The following SRGAP3 variants were observed in gnomAD, a reference collection of about 807,000 sequenced individuals.
SRGAP3 encodes SLIT-ROBO Rho GTPase-activating protein 3.
SRGAP3 carries 39 observed loss-of-function variants against 121.1 expected under a neutral mutation model. The observed-to-expected ratio is 0.32, with a 90% CI of 0.25 to 0.42. The LOEUF is 0.42. SRGAP3 is among the 10% of genes least tolerant of loss of function. The pLI, the probability that SRGAP3 is intolerant of heterozygous loss-of-function variation, is 1.00. For missense variants in SRGAP3, 1,213 were observed against 1,470.6 expected (o/e 0.82, Z 2.86); for synonymous variants, 601 against 570.0 (o/e 1.05, Z -0.77).
At chr3:9,113,290 G>A (rs550888068) in intron 2 of SRGAP3, among the ~76,000 whole-genome samples, 4 of 152,282 alleles carry the variant, frequency 2.6e-5, no homozygotes, top group African/African-American at 4.8e-5. Flanking sequence ...TGTGAAGGAG[G>A]ATCTGTCCCA....
At chr3:9,208,526 A>G (rs1952340751) in intron 1 of SRGAP3, among the ~76,000 whole-genome samples, 1 of 152,220 alleles carries the variant, frequency 6.6e-6, no homozygotes, top group Admixed American at 6.5e-5. Context: ...CTTGTCTCTC[A>G]TTACAAGAAA....
rs138877458 is a variant in SRGAP3 at position 9,341,106 on chromosome 3, G to A, written n.215-10510C>T. ...TCTTCTTATAAAGCCAGAGTCCTAT[G>A]TGATTAGGACACCACTCTTAATACC... On this transcript the variant is annotated intron_variant and non_coding_transcript_variant, in intron 1 of 3. Transcript: ENST00000490889. 2.0e-5 allele frequency among the ~76,000 whole-genome samples: 3 copies of A among 152,306 alleles called. No individual in the cohort carries two copies. The East Asian group carries it at 5.8e-4, about 29-fold the overall frequency.
chr3:9,029,282 G>A (rs981871156), intron 12 of SRGAP3, among the ~76,000 whole-genome samples: 1 of 152,200 alleles, frequency 6.6e-6, no homozygotes, highest in Non-Finnish European at 1.5e-5. Flanking sequence ...CATGAAGTAG[G>A]TAATTGTCAT....
intron 1 of SRGAP3, among the ~76,000 whole-genome samples, chr3:9,183,008 T>C (rs1183396878): frequency 2.0e-5 from 3 of 152,068 alleles, no homozygotes; most frequent in African/African-American, 7.2e-5. Context: ...TGAAATAACA[T>C]TCACAGGTTC....
chr3:9,133,068 G>T (rs1316225491), intron 1 of SRGAP3, among the ~76,000 whole-genome samples: 1 of 149,180 alleles, frequency 6.7e-6, no homozygotes, highest in Non-Finnish European at 1.5e-5. Context: ...ATATATAAGA[G>T]AGAATATCTA....
chr3:9,288,580 CTT>C (rs71049785), intron 3 of SRGAP3, among the ~76,000 whole-genome samples: 12 of 143,338 alleles, frequency 8.4e-5, no homozygotes, highest in Non-Finnish European at 1.1e-4. Context: ...TTCACTTTGT[CTT>C]TTTTTTTTTT....
At chr3:9,083,277 C>A (rs749174461) in intron 3 of SRGAP3, among the ~76,000 whole-genome samples, 2 of 152,142 alleles carry the variant, frequency 1.3e-5, no homozygotes, top group Non-Finnish European at 2.9e-5. Flanking sequence ...TTTTTATGAT[C>A]TTTTTACATA....
chr3:9,356,594 C>T (rs1340853281), intron 1 of SRGAP3, among the ~76,000 whole-genome samples: 1 of 151,728 alleles, frequency 6.6e-6, no homozygotes, highest in East Asian at 1.9e-4. Context: ...AGGATGGTCT[C>T]GATCTCCTGA....
chr3:9,302,260 C>T (rs1486974942), intron 3 of SRGAP3, among the ~76,000 whole-genome samples: 1 of 152,208 alleles, frequency 6.6e-6, no homozygotes, highest in Non-Finnish European at 1.5e-5. Flanking sequence ...AGTGCATACA[C>T]TGCTTCTGAC....
chr3:9,011,425 C>T (rs1943369290), intron 17 of SRGAP3, among the ~76,000 whole-genome samples: 2 of 152,218 alleles, frequency 1.3e-5, no homozygotes, highest in African/African-American at 4.8e-5. Context: ...CACAGCCTGG[C>T]TCTACCCAAC....
intron 1 of SRGAP3, chr3:9,349,219 A>G: frequency 1.5e-6 from 1 of 657,214 alleles, no homozygotes; most frequent in East Asian, 3.4e-5. Flanking sequence ...TACTGTCCCC[A>G]GGAGCACCCT....
At chr3:9,075,390 T>TGTGTGC (rs1454621766) in intron 4 of SRGAP3, among the ~76,000 whole-genome samples, 17 of 148,614 alleles carry the variant, frequency 1.1e-4, no homozygotes, top group African/African-American at 4.2e-4. Context: ...TGTGTGTGTG[T>TGTGTGC]GCGCGCGCAC....
At position 8,985,470 on chromosome 3, in the gene SRGAP3, G is replaced by A; in HGVS notation, c.*49C>T. ...CGTGGAAGCCACCAAGGCCACCCTGGGCCGTGGTGAGCCACAGCGGGCCAC... is the reference window on the plus strand; with the variant it reads ...CGTGGAAGCCACCAAGGCCACCCTGAGCCGTGGTGAGCCACAGCGGGCCAC... On this transcript the variant is annotated 3_prime_UTR_variant, in exon 22 of 22. Coordinates refer to ENST00000383836, the MANE Select transcript of SRGAP3 (RefSeq NM_014850.4). The surrounding 1 kb of genome is among the most constrained non-coding windows in gnomAD (Gnocchi z 5.1). 6.3e-7 allele frequency: 1 copy of A among 1,594,324 alleles called. No individual in the cohort carries two copies. Among genetic ancestry groups the A allele is most frequent in the Non-Finnish European group, 8.5e-7 (1 of 1,177,674 alleles).
chr3:9,259,846 C>T (rs1259575530), intron 3 of SRGAP3, among the ~76,000 whole-genome samples: 1 of 140,862 alleles, frequency 7.1e-6, no homozygotes, highest in Non-Finnish European at 1.6e-5. Context: ...TAGCTGGGGG[C>T]CAGGGGTGGG....
chr3:9,050,634 T>A (rs1017232904), intron 9 of SRGAP3, among the ~76,000 whole-genome samples: 1 of 152,242 alleles, frequency 6.6e-6, no homozygotes, highest in Non-Finnish European at 1.5e-5. Context: ...TGATGACCAT[T>A]AGTCATAGAT....
chr3:9,098,068 T>C (rs1388995495), intron 3 of SRGAP3, among the ~76,000 whole-genome samples: 1 of 152,150 alleles, frequency 6.6e-6, no homozygotes, highest in Non-Finnish European at 1.5e-5. Context: ...CTTCAAATGC[T>C]GCTTCCCCCA....
chr3:9,286,634 G>A (rs932076798), intron 3 of SRGAP3, among the ~76,000 whole-genome samples: 5 of 151,928 alleles, frequency 3.3e-5, no homozygotes, highest in East Asian at 1.9e-4. Context: ...ACGGAGTCTC[G>A]CTCTGTCGCC....
chr3:9,067,430 T>C (rs986613546), intron 4 of SRGAP3, among the ~76,000 whole-genome samples: 1 of 151,890 alleles, frequency 6.6e-6, no homozygotes, highest in Non-Finnish European at 1.5e-5. Flanking sequence ...TCCCTAAGAC[T>C]CCAAAAAACC....
At chr3:9,336,981 C>T (rs1468023553) in intron 1 of SRGAP3, among the ~76,000 whole-genome samples, 1 of 152,086 alleles carries the variant, frequency 6.6e-6, no homozygotes, top group Non-Finnish European at 1.5e-5. Context: ...ATCCTCCCAC[C>T]TTTCACTCCC....
Sources: gnomAD v4.1 joint callset for allele counts (sites outside exome capture counted in the v4.1 genomes callset) on GRCh38, gnomAD v4.1.1 for gene constraint, Gnocchi (gnomAD v3.1) non-coding constraint, MANE v1.5 for transcripts, NCBI Gene and HGNC (gene_info 2026-07-23, HGNC 2026-07-21) for gene names.